Variants in MBD5 observed in about 807,000 individuals in gnomAD.
MBD5 encodes the protein methyl-CpG-binding domain protein 5.
In MBD5, 13 loss-of-function variants were observed where a neutral mutation model predicts 117.3. The observed-to-expected ratio is 0.11, with a 90% CI of 0.07 to 0.18. The LOEUF (loss-of-function observed/expected upper bound fraction) is 0.18. Ranked by LOEUF, MBD5 falls within the 10% of genes least tolerant of loss-of-function variation. The probability of loss-of-function intolerance (pLI) is 1.00; values close to 1 mark genes in which losing one functional copy is unlikely to be tolerated. For synonymous variants in MBD5, 727 were observed against 766.4 expected (o/e 0.95, Z 0.85); for missense variants, 1,879 against 2,093.8 (o/e 0.90, Z 2.00).
intron 1 of MBD5, chr2:148,055,008 C>T (rs1694818252): frequency 6.6e-6 from 1 of 152,086 alleles, no homozygotes; most frequent in Non-Finnish European, 1.5e-5. Flanking sequence ...ATTTACAGTT[C>T]CCCAATTGCT....
chr2:148,285,189 T>C (rs1222290143), intron 3 of MBD5, among the ~76,000 whole-genome samples: 1 of 152,192 alleles, frequency 6.6e-6, no homozygotes, highest in Non-Finnish European at 1.5e-5. Flanking sequence ...TTCAAACAAA[T>C]AGACAGCTTA....
chr2:148,487,522 G>A (rs991028117), intron 10 of MBD5, among the ~76,000 whole-genome samples: 1 of 152,074 alleles, frequency 6.6e-6, no homozygotes, highest in African/African-American at 2.4e-5. Flanking sequence ...ATTTAGAAAG[G>A]AAGAGGAAGT....
intron 4 of MBD5, among the ~76,000 whole-genome samples, chr2:148,344,679 A>G (rs1411057533): frequency 6.6e-6 from 1 of 151,930 alleles, no homozygotes; most frequent in African/African-American, 2.4e-5. Flanking sequence ...TGCTGAAGTC[A>G]TTTATCACTT....
intron 1 of MBD5, among the ~76,000 whole-genome samples, chr2:148,065,018 G>T (rs1261972976): frequency 6.6e-6 from 1 of 152,012 alleles, no homozygotes; most frequent in Non-Finnish European, 1.5e-5. Context: ...AGTAGTCAGG[G>T]GAGATTCTTC....
intron 3 of MBD5, among the ~76,000 whole-genome samples, chr2:148,323,130 A>G (rs1702334979): frequency 1.3e-5 from 2 of 151,960 alleles, no homozygotes; most frequent in South Asian, 4.1e-4. Flanking sequence ...TTTACTGAGA[A>G]TGATGATTTC....
intron 3 of MBD5, among the ~76,000 whole-genome samples, chr2:148,242,234 C>G (rs942737050): frequency 2.4e-4 from 36 of 151,934 alleles, no homozygotes; most frequent in African/African-American, 8.5e-4. Context: ...CATAATTATT[C>G]TATAAGGTTG....
chr2:148,433,067 T>C (rs1409964333), intron 4 of MBD5, among the ~76,000 whole-genome samples: 5 of 152,126 alleles, frequency 3.3e-5, no homozygotes, highest in African/African-American at 1.2e-4. Flanking sequence ...ATTCTTGTTG[T>C]AGAGATCTTT....
At chr2:148,053,992 C>T (rs545331829) in intron 1 of MBD5, 2 of 151,438 alleles carry the variant, frequency 1.3e-5, no homozygotes, top group South Asian at 2.1e-4. Flanking sequence ...ACTGCAACCT[C>T]GACCTCCTGG....
intron 11 of MBD5, among the ~76,000 whole-genome samples, chr2:148,500,363 A>G (rs1312083590): frequency 6.6e-6 from 1 of 152,026 alleles, no homozygotes; most frequent in Non-Finnish European, 1.5e-5. Context: ...TGGTGGAGAG[A>G]AGTTGAGCAC....
intron 1 of MBD5, among the ~76,000 whole-genome samples, chr2:148,052,253 C>T (rs1228538621): frequency 2.4e-5 from 3 of 123,140 alleles, no homozygotes; most frequent in African/African-American, 9.2e-5. Context: ...TCTTGTAGCC[C>T]AGGCTGGAGT....
intron 1 of MBD5, among the ~76,000 whole-genome samples, chr2:148,096,887 A>G (rs1334475492): frequency 6.6e-6 from 1 of 152,188 alleles, no homozygotes. Context: ...ATATTAAGAC[A>G]AAATTCAAAC....
At chr2:148,111,883 A>G (rs1272655471) in intron 1 of MBD5, among the ~76,000 whole-genome samples, 1 of 152,198 alleles carries the variant, frequency 6.6e-6, no homozygotes, top group Non-Finnish European at 1.5e-5. Flanking sequence ...TATAAATTAG[A>G]GACACAGATT....
chr2:148,231,076 C>T (rs967822975), intron 2 of MBD5, among the ~76,000 whole-genome samples: 1 of 152,154 alleles, frequency 6.6e-6, no homozygotes, highest in Non-Finnish European at 1.5e-5. Context: ...CACATACCCC[C>T]CTCCTCCAGT....
chr2:148,465,711 G>A (rs1707239649), intron 7 of MBD5, among the ~76,000 whole-genome samples: 1 of 152,070 alleles, frequency 6.6e-6, no homozygotes, highest in African/African-American at 2.4e-5. Context: ...GGTAAATTGG[G>A]GCCAAATTAC....
At chr2:148,505,064 G>A (rs186857469) in intron 12 of MBD5, among the ~76,000 whole-genome samples, 153 of 152,268 alleles carry the variant, frequency 1.0e-3, no homozygotes, top group Non-Finnish European at 1.5e-4. Flanking sequence ...AGGAGCTGGT[G>A]GAGTTGGGGA....
At chr2:148,375,871 T>C (rs1703972313) in intron 4 of MBD5, among the ~76,000 whole-genome samples, 1 of 152,056 alleles carries the variant, frequency 6.6e-6, no homozygotes, top group African/African-American at 2.4e-5. Context: ...TCCCACCAAA[T>C]GTTAGCTGCT....
chr2:148,302,814 T>C (rs1195499529), intron 3 of MBD5, among the ~76,000 whole-genome samples: 2 of 151,748 alleles, frequency 1.3e-5, no homozygotes, highest in African/African-American at 2.4e-5. Context: ...TTTATTTTTT[T>C]AGAGATGAGG....
chr2:148,368,334 G>C (rs1323563930), intron 4 of MBD5, among the ~76,000 whole-genome samples: 6 of 152,164 alleles, frequency 3.9e-5, no homozygotes, highest in African/African-American at 1.4e-4. Flanking sequence ...CAGGGGTTAG[G>C]GGGTATGGAA....
At chr2:148,267,094 G>A (rs569495461) in intron 3 of MBD5, among the ~76,000 whole-genome samples, 34 of 152,218 alleles carry the variant, frequency 2.2e-4, no homozygotes, top group African/African-American at 7.5e-4. Flanking sequence ...GAGGTATGAG[G>A]CTAATGTTGA....
Sources: gnomAD v4.1 joint callset for allele counts (sites outside exome capture counted in the v4.1 genomes callset) on GRCh38, gnomAD v4.1.1 for gene constraint, MANE v1.5 for transcripts, NCBI Gene and HGNC (gene_info 2026-07-23, HGNC 2026-07-21) for gene names.